The following CC2D2A variants were observed in gnomAD, a reference collection of about 807,000 sequenced individuals.
The protein encoded by CC2D2A is coiled-coil and C2 domain-containing protein 2A.
In CC2D2A, 155 loss-of-function variants were observed where a neutral mutation model predicts 212.9. That is an observed-to-expected ratio of 0.73 (90% CI 0.64 to 0.83). CC2D2A has a LOEUF of 0.83. Among genes scored for constraint, CC2D2A ranks in the 40% least tolerant of loss-of-function variants. CC2D2A has a pLI of 0.00. For missense variants in CC2D2A, 1,856 were observed against 1,956.2 expected (o/e 0.95, Z 0.97); for synonymous variants, 667 against 686.5 (o/e 0.97, Z 0.44).
intron 16 of CC2D2A, 97 bp from the exon 17 acceptor site, chr4:15,540,740 C>T: frequency 9.1e-7 from 1 of 1,103,580 alleles, no homozygotes; most frequent in South Asian, 1.5e-5. Flanking sequence ...GAGTTGCCTG[C>T]AGTGTGTCTT....
intron 17 of CC2D2A, among the ~76,000 whole-genome samples, chr4:15,547,984 AG>A (rs1718796996): frequency 6.6e-6 from 1 of 152,150 alleles, no homozygotes; most frequent in Non-Finnish European, 1.5e-5. Flanking sequence ...AGTTGCTGTG[AG>A]CCGAGATCAC....
At chr4:15,516,501 T>TG (rs1437139656) in intron 10 of CC2D2A, 124 bp from the exon 11 acceptor site, 3 of 863,668 alleles carry the variant, frequency 3.5e-6, no homozygotes, top group African/African-American at 3.4e-5. Context: ...ACAGTTCTGT[T>TG]GGGGGAGGAA....
In CC2D2A at chr4:15,514,858, G is replaced by T. The variant is rs1318432524; in HGVS notation, c.869G>T (p.Ser290Ile). 1 of 1,613,550 alleles carries T rather than the reference G, an allele frequency of 6.2e-7. No individual in the cohort carries two copies. Among genetic ancestry groups the T allele is most frequent in the Non-Finnish European group, 8.5e-7 (1 of 1,179,668 alleles). ...QMEREMLFIP[S>I]RQTVPTYKKL... Reference sequence around the variant, plus strand: ...GAAAGAGAAATGCTCTTCATACCCAGTAGGCAGACAGGTACTTGCTCTTTT... The same window carrying T: ...GAAAGAGAAATGCTCTTCATACCCATTAGGCAGACAGGTACTTGCTCTTTT... The change falls in exon 9 of 37, where the codon AGT becomes ATT. Residue 290 changes from serine (S) to isoleucine (I), a missense_variant. Coordinates refer to ENST00000424120, the MANE Select transcript of CC2D2A (RefSeq NM_001378615.1).
intron 17 of CC2D2A, among the ~76,000 whole-genome samples, chr4:15,549,033 T>C (rs1421824145): frequency 3.9e-5 from 6 of 152,230 alleles, no homozygotes; most frequent in Non-Finnish European, 8.8e-5. Flanking sequence ...AATTATGCTT[T>C]TTAAAAATAT....
At chr4:15,491,402 T>A (rs980374850) in intron 4 of CC2D2A, among the ~76,000 whole-genome samples, 23 of 152,238 alleles carry the variant, frequency 1.5e-4, no homozygotes, top group African/African-American at 5.3e-4. Context: ...AATGACTATT[T>A]ACTTTTCGTT....
rs749491270 is a variant in CC2D2A, at chr4:15,586,236, G to A, written c.4055G>A (p.Ser1352Asn). ...TTTGGTGGTATCTGTGACCTCTGGA[G>A]CACATCTGATGTAAGTAGTTCTTCT... ...VSFGGICDLW[S>N]TSDQFLDLLA... is the part of the protein sequence containing the mutation. Residue 1352 changes from serine to asparagine, a missense_variant, in exon 31 of 37, where the codon AGC becomes AAC. Transcript: ENST00000424120. The A allele has an allele frequency of 7.5e-6, 12 of 1,601,280 alleles. No individual in the cohort carries two copies. The highest frequency in any genetic ancestry group is 1.1e-5 in the South Asian group (1 of 89,238).
chr4:15,567,443 G>A lies in CC2D2A; in HGVS notation c.3249G>A (p.Thr1083=), dbSNP rs200431110. 51 of 1,613,264 alleles carry A rather than the reference G, an allele frequency of 3.2e-5. No homozygotes were observed. Among genetic ancestry groups the A allele is most frequent in the Admixed American group, 6.7e-5 (4 of 59,924 alleles). The change falls in exon 25 of 37, where the codon ACG becomes ACA. Residue 1083 remains threonine, a synonymous_variant. Transcript: ENST00000424120. Reference sequence around the variant, plus strand: ...AAAAGCATGCTGCTTCCCCAAGCACGTACAGCCCAACCCACAATGCTGACT... The same window carrying A: ...AAAAGCATGCTGCTTCCCCAAGCACATACAGCCCAACCCACAATGCTGACT... ...FSEKHAASPS[T]YSPTHNADYP...
At chr4:15,537,765 G>A in intron 15 of CC2D2A, 134 bp from the exon 16 acceptor site, 1 of 893,404 alleles carries the variant, frequency 1.1e-6, no homozygotes, top group Admixed American at 2.6e-5. Flanking sequence ...GTGGCTTAGT[G>A]ACCTGCCTGA....
intron 21 of CC2D2A, among the ~76,000 whole-genome samples, chr4:15,557,745 T>C (rs2109058531): frequency 6.6e-6 from 1 of 152,340 alleles, no homozygotes; most frequent in Non-Finnish European, 1.5e-5. Context: ...CTGAGTCAAC[T>C]GAACTGCATA....
intron 13 of CC2D2A, among the ~76,000 whole-genome samples, chr4:15,529,710 TCTA>T (rs1560167602): frequency 6.6e-6 from 1 of 151,578 alleles, no homozygotes; most frequent in Non-Finnish European, 1.5e-5. Context: ...TTATTTAAAT[TCTA>T]CTGTAATTCT....
At chr4:15,594,649 A>G (rs1039109167) in intron 33 of CC2D2A, among the ~76,000 whole-genome samples, 1 of 152,178 alleles carries the variant, frequency 6.6e-6, no homozygotes. Flanking sequence ...AAAGTCAAGG[A>G]GTGCAAAAGT....
intron 15 of CC2D2A, 35 bp from the exon 16 acceptor site, chr4:15,537,864 T>C: frequency 6.4e-7 from 1 of 1,555,266 alleles, no homozygotes; most frequent in South Asian, 1.2e-5. Context: ...ATTCCAAAAT[T>C]CCTGTTTGAT....
intron 4 of CC2D2A, among the ~76,000 whole-genome samples, chr4:15,492,355 A>C (rs1715350829): frequency 6.6e-6 from 1 of 152,080 alleles, no homozygotes; most frequent in Non-Finnish European, 1.5e-5. Context: ...TAGCCTCCTA[A>C]CTGATCTTCT....
At chr4:15,531,148 G>A (rs554869979) in intron 13 of CC2D2A, among the ~76,000 whole-genome samples, 3 of 152,004 alleles carry the variant, frequency 2.0e-5, no homozygotes, top group East Asian at 1.9e-4. Context: ...TACTATCTCC[G>A]CTCTCTCCCA....
At chr4:15,563,752 T>C (rs1480399284) in intron 24 of CC2D2A, 3 of 526,642 alleles carry the variant, frequency 5.7e-6, no homozygotes, top group Non-Finnish European at 1.0e-5. Context: ...GGACAAGAGG[T>C]ATAGCTGAAT....
chr4:15,550,761 T>C (rs1293462543), intron 17 of CC2D2A, 63 bp from the exon 18 acceptor site: 1 of 1,227,362 alleles, frequency 8.1e-7, no homozygotes, highest in East Asian at 2.4e-5. Flanking sequence ...ATGGACTGAT[T>C]ATCTGAGCGT....
At position 15,487,572 on chromosome 4, in the gene CC2D2A, G is replaced by A. The variant is rs147806926; in HGVS notation, c.247+6745G>A. Among the ~76,000 whole-genome samples the A allele has an allele frequency of 4.8e-3, 731 of 151,904 alleles. 7 individuals carry two copies. The highest frequency in any genetic ancestry group is 0.017 in the African/African-American group (691 of 41,458). On this transcript the variant is annotated intron_variant, in intron 4 of 36. Transcript: ENST00000424120. ...AGTTTCTTATAGGTAGCATATAATT[G>A]GCTCTTTTTTTCAATCTTTTTCATC... is the stretch of plus-strand genomic sequence containing the variant.
intron 13 of CC2D2A, among the ~76,000 whole-genome samples, chr4:15,532,662 A>T (rs997313647): frequency 1.3e-5 from 2 of 152,256 alleles, no homozygotes; most frequent in Non-Finnish European, 2.9e-5. Flanking sequence ...AAGAACTTAA[A>T]GTAAGGTATT....
intron 4 of CC2D2A, among the ~76,000 whole-genome samples, chr4:15,489,706 T>C (rs76138823): frequency 0.02 from 2,998 of 152,344 alleles, 42 homozygotes; most frequent in East Asian, 0.052. Context: ...CACCCATTTA[T>C]TGAAAATGTC....
Sources: gnomAD v4.1 joint callset for allele counts (sites outside exome capture counted in the v4.1 genomes callset) on GRCh38, gnomAD v4.1.1 for gene constraint, MANE v1.5 for transcripts, NCBI Gene and HGNC (gene_info 2026-07-23, HGNC 2026-07-21) for gene names.